IGF2BP3: variants seen among roughly 807,000 people sequenced by gnomAD.
IGF2BP3 encodes the protein insulin-like growth factor 2 mRNA-binding protein 3.
IGF2BP3 carries 9 observed loss-of-function variants against 73.8 expected under a neutral mutation model. The ratio of observed to expected loss-of-function variants is 0.12; its 90% CI spans 0.07 to 0.21. The LOEUF (loss-of-function observed/expected upper bound fraction) is 0.21, where lower values mean the gene tolerates loss of function less well. Ranked by LOEUF, IGF2BP3 falls within the 10% of genes least tolerant of loss-of-function variation. The pLI, the probability that IGF2BP3 is intolerant of heterozygous loss-of-function variation, is 1.00. For synonymous variants in IGF2BP3, 258 were observed against 256.7 expected, an observed-to-expected ratio of 1.01 and a Z score of -0.05; for missense variants, 542 against 714.0, an observed-to-expected ratio of 0.76 and a Z score of 2.75.
chr7:23,393,278 C>G (rs1743733851), intron 3 of IGF2BP3, among the ~76,000 whole-genome samples: 1 of 152,158 alleles, frequency 6.6e-6, no homozygotes, highest in Admixed American at 6.5e-5. Flanking sequence ...TTCACAAAAG[C>G]CTCCCTCCCA....
intron 2 of IGF2BP3, among the ~76,000 whole-genome samples, chr7:23,447,903 T>C (rs1322560118): frequency 6.6e-6 from 1 of 152,012 alleles, no homozygotes; most frequent in African/African-American, 2.4e-5. Context: ...ATCCCTTGAG[T>C]CCAGGAGTTC....
chr7:23,331,720 C>T (rs1011547503), intron 10 of IGF2BP3, among the ~76,000 whole-genome samples: 3 of 151,726 alleles, frequency 2.0e-5, no homozygotes, highest in Non-Finnish European at 2.9e-5. Flanking sequence ...ATTAGCTGGG[C>T]GTGGTGGCGT....
chr7:23,329,256 C>T (rs1173206227), intron 10 of IGF2BP3, among the ~76,000 whole-genome samples: 1 of 151,806 alleles, frequency 6.6e-6, no homozygotes, highest in Non-Finnish European at 1.5e-5. Flanking sequence ...CAATAAATAA[C>T]ATCCTAATTT....
chr7:23,386,613 A>G (rs187985), intron 3 of IGF2BP3, among the ~76,000 whole-genome samples: 52,747 of 152,218 alleles, frequency 0.35, 14,463 homozygotes, highest in African/African-American at 0.77. Flanking sequence ...AAGATTGAAC[A>G]GATCTCCAAG....
intron 2 of IGF2BP3, among the ~76,000 whole-genome samples, chr7:23,449,103 T>C (rs1788132989): frequency 6.9e-6 from 1 of 145,332 alleles, no homozygotes; most frequent in African/African-American, 2.6e-5. Context: ...CTTATCTTCC[T>C]ATACCGATTT....
intron 3 of IGF2BP3, among the ~76,000 whole-genome samples, chr7:23,378,945 GAATT>G (rs2128515933): frequency 6.6e-6 from 1 of 152,102 alleles, no homozygotes; most frequent in Admixed American, 6.6e-5. Flanking sequence ...CCAAATGTAT[GAATT>G]ATTTGGAGAC....
intron 2 of IGF2BP3, among the ~76,000 whole-genome samples, chr7:23,433,525 G>A (rs181345543): frequency 2.1e-5 from 3 of 143,722 alleles, no homozygotes; most frequent in South Asian, 2.2e-4. Context: ...TTGCTCTCTC[G>A]CCCAAACTGT....
At position 23,343,638 on chromosome 7, in the gene IGF2BP3, G is replaced by T. The variant is rs575187209; in HGVS notation, c.1077+80C>A. 3.4e-4 allele frequency: 463 copies of T among 1,352,264 alleles called. 6 individuals are homozygous for T. The highest frequency in any genetic ancestry group is 3.1e-3 in the South Asian group (255 of 83,342). The allele number at this position is 1,352,264 out of a possible 1,614,324, so 83.8% of individuals were successfully genotyped here. A position where few individuals can be genotyped will look rare whatever the true frequency, so the allele number is the denominator to read the frequency against. Reference sequence around the variant, plus strand: ...TACTTCTAGTGATAATGCCACAAAAGAATTCAATATTAATGCAGTTAAAAA... The same window carrying T: ...TACTTCTAGTGATAATGCCACAAAATAATTCAATATTAATGCAGTTAAAAA... On this transcript the variant is annotated intron_variant, in intron 9 of 14. Coordinates refer to ENST00000258729, the MANE Select transcript of IGF2BP3 (RefSeq NM_006547.3).
At chr7:23,370,321 C>A (rs931180954) in intron 3 of IGF2BP3, among the ~76,000 whole-genome samples, 3 of 152,228 alleles carry the variant, frequency 2.0e-5, no homozygotes, top group African/African-American at 7.2e-5. Flanking sequence ...CAGAGTCACA[C>A]TGACTTCCAT....
intron 2 of IGF2BP3, among the ~76,000 whole-genome samples, chr7:23,464,670 A>C (rs11769126): frequency 0.36 from 54,977 of 151,068 alleles, 10,532 homozygotes; most frequent in African/African-American, 0.45. Flanking sequence ...GGCAACAGAG[A>C]GAGACTCCAT....
intron 5 of IGF2BP3, among the ~76,000 whole-genome samples, chr7:23,357,902 C>T (rs1158424992): frequency 1.3e-5 from 2 of 152,204 alleles, no homozygotes; most frequent in Admixed American, 6.5e-5. Context: ...CTAACAGAGG[C>T]AGCTACAACC....
intron 3 of IGF2BP3, among the ~76,000 whole-genome samples, chr7:23,371,177 A>C (rs566241401): frequency 4.6e-5 from 7 of 150,818 alleles, no homozygotes; most frequent in Non-Finnish European, 8.8e-5. Flanking sequence ...ACACACACAC[A>C]CCCTTCCAAG....
chr7:23,322,480 A>C (rs937391215), intron 10 of IGF2BP3, among the ~76,000 whole-genome samples: 3 of 152,172 alleles, frequency 2.0e-5, no homozygotes, highest in African/African-American at 7.2e-5. Flanking sequence ...GAATGGAACC[A>C]AGTTGGAAAA....
At chr7:23,421,125 T>G (rs977597665) in intron 2 of IGF2BP3, among the ~76,000 whole-genome samples, 6 of 152,132 alleles carry the variant, frequency 3.9e-5, no homozygotes, top group African/African-American at 1.4e-4. Context: ...TTCTCCCACC[T>G]CAGCCTCCTG....
chr7:23,314,184 AT>A (rs564895732), intron 12 of IGF2BP3, among the ~76,000 whole-genome samples: 455 of 127,766 alleles, frequency 3.6e-3, no homozygotes, highest in Non-Finnish European at 2.7e-3. Context: ...CACCTGACTT[AT>A]TTTTTTTTTT....
chr7:23,420,129 A>C (rs1006267144), intron 2 of IGF2BP3, among the ~76,000 whole-genome samples: 4 of 152,222 alleles, frequency 2.6e-5, no homozygotes, highest in African/African-American at 7.2e-5. Context: ...AAAACAAAAC[A>C]AAAACTAGCA....
At chr7:23,423,873 A>T (rs1323861614) in intron 2 of IGF2BP3, among the ~76,000 whole-genome samples, 1 of 152,190 alleles carries the variant, frequency 6.6e-6, no homozygotes, top group Non-Finnish European at 1.5e-5. Flanking sequence ...TAATCCCAGC[A>T]CTTTGGGAGG....
At chr7:23,317,465 A>G (rs1160707906) in intron 12 of IGF2BP3, among the ~76,000 whole-genome samples, 174 bp downstream of exon 12, 1 of 152,218 alleles carries the variant, frequency 6.6e-6, no homozygotes, top group African/African-American at 2.4e-5. Context: ...TCTTAAAATT[A>G]AAGACTTTTG....
intron 2 of IGF2BP3, among the ~76,000 whole-genome samples, chr7:23,459,380 G>A (rs916803053): frequency 1.3e-5 from 2 of 152,154 alleles, no homozygotes; most frequent in African/African-American, 4.8e-5. Flanking sequence ...TTTAGCAAAA[G>A]TTTAATGAAC....
Sources: gnomAD v4.1 joint callset for allele counts (sites outside exome capture counted in the v4.1 genomes callset) on GRCh38, gnomAD v4.1.1 for gene constraint, MANE v1.5 for transcripts, NCBI Gene and HGNC (gene_info 2026-07-23, HGNC 2026-07-21) for gene names.